The following SPTBN1 variants were observed in gnomAD, a reference collection of about 807,000 sequenced individuals.
The protein encoded by SPTBN1 is spectrin beta chain, non-erythrocytic 1.
A neutral mutation model predicts 266.4 loss-of-function variants in SPTBN1; 32 were observed. That is an observed-to-expected ratio of 0.12 (90% CI 0.09 to 0.16). SPTBN1 has a LOEUF of 0.16. Ranked by LOEUF, SPTBN1 falls within the 10% of genes least tolerant of loss-of-function variation. The pLI, the probability that SPTBN1 is intolerant of heterozygous loss-of-function variation, is 1.00. For synonymous variants in SPTBN1, 1,336 were observed against 1,162.2 expected, an observed-to-expected ratio of 1.15 and a Z score of -3.04; for missense variants, 2,296 against 3,067.1, an observed-to-expected ratio of 0.75 and a Z score of 5.94.
chr2:54,667,874 C>G (rs1488060747), intron 35 of SPTBN1, among the ~76,000 whole-genome samples: 2 of 152,196 alleles, frequency 1.3e-5, no homozygotes, highest in Non-Finnish European at 2.9e-5. Flanking sequence ...TCGATGGAAT[C>G]TTTGCCTGTC....
At chr2:54,499,753 T>G (rs1017797725) in intron 1 of SPTBN1, among the ~76,000 whole-genome samples, 1 of 152,216 alleles carries the variant, frequency 6.6e-6, no homozygotes, top group African/African-American at 2.4e-5. Flanking sequence ...CTGCACATGA[T>G]TATGAAGCCC....
Position 54,609,215 on chromosome 2 carries a change from A to G in SPTBN1, c.301-2946A>G, listed in dbSNP as rs574868817. On this transcript the variant is annotated intron_variant, in intron 3 of 35. Coordinates refer to ENST00000356805, the MANE Select transcript of SPTBN1 (RefSeq NM_003128.3). ...TACATCCTCTTCCGCATCATTTGTC[A>G]TCTTTTTGGAGACACTCATTTTCAT... is the stretch of plus-strand genomic sequence containing the variant. 5.3e-5 allele frequency among the ~76,000 whole-genome samples: 8 copies of G among 152,238 alleles called. No individual in the cohort carries two copies. The South Asian group carries it at 1.7e-3, about 32-fold the overall frequency.
intron 1 of SPTBN1, among the ~76,000 whole-genome samples, chr2:54,521,048 G>A (rs536926024): frequency 6.0e-4 from 92 of 152,286 alleles, no homozygotes; most frequent in African/African-American, 2.1e-3. Flanking sequence ...CACAGCCCAC[G>A]GGAGGCATGG....
At chr2:54,498,115 G>T (rs996946297) in intron 1 of SPTBN1, among the ~76,000 whole-genome samples, 6 of 152,150 alleles carry the variant, frequency 3.9e-5, no homozygotes, top group African/African-American at 1.4e-4. Context: ...CTTAGGTTGG[G>T]GATACATACA....
intron 1 of SPTBN1, among the ~76,000 whole-genome samples, chr2:54,491,860 A>G (rs1668701462): frequency 6.6e-6 from 1 of 152,160 alleles, no homozygotes; most frequent in East Asian, 1.9e-4. Flanking sequence ...TTGCCTCCCA[A>G]AGTGCTGGGA....
At position 54,664,695 on chromosome 2, in the gene SPTBN1, A is replaced by G; in HGVS notation, c.6659+4A>G. 1 of 1,613,498 alleles carries G rather than the reference A, an allele frequency of 6.2e-7. No homozygotes were observed. The highest frequency in any genetic ancestry group is 8.5e-7 in the Non-Finnish European group (1 of 1,179,606). ...ACAATAAGAAAGCCTCAAGCAGGTA[A>G]CAGCAGCAGAGGCTGCCACAGTAAG... On this transcript the variant is annotated splice_donor_region_variant and intron_variant, in intron 33 of 35. Transcript: ENST00000356805. The surrounding 1 kb of genome is among the most constrained non-coding windows in gnomAD (Gnocchi z 5.6).
intron 8 of SPTBN1, among the ~76,000 whole-genome samples, chr2:54,621,845 G>T (rs1392764359): frequency 6.6e-6 from 1 of 152,152 alleles, no homozygotes; most frequent in Non-Finnish European, 1.5e-5. Flanking sequence ...CCAGCATCGT[G>T]CTTTTTACTT....
chr2:54,655,525 T>G (rs1558475479), intron 28 of SPTBN1, among the ~76,000 whole-genome samples: 1 of 152,162 alleles, frequency 6.6e-6, no homozygotes, highest in Non-Finnish European at 1.5e-5. Flanking sequence ...GAGTGCATGG[T>G]TGGTGATTCT....
At chr2:54,660,997 T>A in intron 32 of SPTBN1, 1 of 985,448 alleles carries the variant, frequency 1.0e-6, no homozygotes, top group Non-Finnish European at 1.2e-6. Context: ...TGGTTCATCC[T>A]GATTACTTGA....
chr2:54,635,599 G>A (rs184341666), intron 17 of SPTBN1, among the ~76,000 whole-genome samples: 55 of 152,354 alleles, frequency 3.6e-4, no homozygotes, highest in Non-Finnish European at 5.6e-4. Flanking sequence ...AATCTTTCCA[G>A]TGTTTGAAGT....
chr2:54,662,234 G>C, intron 32 of SPTBN1: 4 of 985,446 alleles, frequency 4.1e-6, no homozygotes, highest in Non-Finnish European at 4.8e-6. Context: ...TGCTTTTGAT[G>C]TGTGTCTCTA....
chr2:54,475,021 A>C (rs898636470), intron 1 of SPTBN1, among the ~76,000 whole-genome samples: 1 of 152,112 alleles, frequency 6.6e-6, no homozygotes, highest in Non-Finnish European at 1.5e-5. Flanking sequence ...AAAAATTATA[A>C]AAATACAAAA....
chr2:54,628,897 C>G lies in SPTBN1; in HGVS notation c.1799-36C>G. 1 of 1,544,292 alleles carries G rather than the reference C, an allele frequency of 6.5e-7. No individual in the cohort carries two copies. Among genetic ancestry groups the G allele is most frequent in the Non-Finnish European group, 8.7e-7 (1 of 1,146,742 alleles). ...TGAGCCTGCACCCATGCTGAGCTCC[C>G]TCACACAGCCACGTTCCTTCCTTGA... is the stretch of plus-strand genomic sequence containing the variant. On this transcript the variant is annotated intron_variant, in intron 13 of 35. Transcript: ENST00000356805. The surrounding 1 kb of genome is among the most constrained non-coding windows in gnomAD (Gnocchi z 4.3).
At chr2:54,592,565 G>A (rs535958853) in intron 2 of SPTBN1, among the ~76,000 whole-genome samples, 3 of 152,192 alleles carry the variant, frequency 2.0e-5, no homozygotes, top group African/African-American at 7.2e-5. Flanking sequence ...TGTGTTTTTA[G>A]TAGAGATGGG....
intron 1 of SPTBN1, among the ~76,000 whole-genome samples, chr2:54,512,106 G>A (rs1488311113): frequency 1.3e-5 from 2 of 152,150 alleles, no homozygotes; most frequent in Non-Finnish European, 2.9e-5. Flanking sequence ...CTGACAGGAG[G>A]CAGAGCTCAG....
At chr2:54,600,051 T>C (rs1200033348) in intron 3 of SPTBN1, among the ~76,000 whole-genome samples, 1 of 152,230 alleles carries the variant, frequency 6.6e-6, no homozygotes, top group Non-Finnish European at 1.5e-5. Context: ...ACATCTGTAC[T>C]GACATCACCA....
chr2:54,536,169 G>T (rs1671589055), intron 2 of SPTBN1, among the ~76,000 whole-genome samples: 1 of 152,158 alleles, frequency 6.6e-6, no homozygotes. Context: ...TAACCCCTTT[G>T]CCAGTTTTCT....
Position 54,626,033 on chromosome 2 carries a change from G to C in SPTBN1, c.1443G>C (p.Val481=). The C allele has an allele frequency of 1.9e-6, 3 of 1,614,204 alleles. No individual in the cohort carries two copies. Among genetic ancestry groups the C allele is most frequent in the Non-Finnish European group, 2.5e-6 (3 of 1,180,038 alleles). ...CATACGAGGAGCGTGTGCAGGCTGT[G>C]GTAGCCGTGGCCAGGGAGCTCGAGG... The part of the protein sequence containing the change: ...IAAYEERVQA[V]VAVARELEAE... Residue 481 remains valine (V), a synonymous_variant, in exon 12 of 36, where the codon GTG becomes GTC. Coordinates refer to ENST00000356805, the MANE Select transcript of SPTBN1 (RefSeq NM_003128.3). The surrounding 1 kb of genome is among the most constrained non-coding windows in gnomAD (Gnocchi z 4.7).
intron 1 of SPTBN1, among the ~76,000 whole-genome samples, chr2:54,471,432 G>T (rs1693913171): frequency 6.7e-6 from 1 of 150,206 alleles, no homozygotes; most frequent in Non-Finnish European, 1.5e-5. Flanking sequence ...AGTGTGACTT[G>T]TATCTTTTTG....
Sources: allele counts gnomAD v4.1 joint callset (sites outside exome capture counted in the v4.1 genomes callset), GRCh38; gene constraint gnomAD v4.1.1; non-coding constraint Gnocchi (gnomAD v3.1); transcripts MANE v1.5; gene names NCBI Gene and HGNC (gene_info 2026-07-23, HGNC 2026-07-21).